Variants in MOB3B observed in about 807,000 individuals in gnomAD.
MOB3B encodes the protein MOB kinase activator 3B.
In MOB3B, 7 loss-of-function variants were observed where a neutral mutation model predicts 18.7. The ratio of observed to expected loss-of-function variants is 0.37; its 90% CI spans 0.21 to 0.70. MOB3B has a LOEUF of 0.70. Among genes scored for constraint, MOB3B ranks in the 30% least tolerant of loss-of-function variants. MOB3B has a pLI of 0.52. For missense variants in MOB3B, 253 were observed against 281.3 expected (o/e 0.90, Z 0.72); for synonymous variants, 111 against 99.9 (o/e 1.11, Z -0.66).
At chr9:27,505,704 A>G (rs1007107595) in intron 1 of MOB3B, among the ~76,000 whole-genome samples, 1 of 152,202 alleles carries the variant, frequency 6.6e-6, no homozygotes. Context: ...CCAGAATTAT[A>G]TTAATTCTCC....
chr9:27,385,993 C>A (rs998841735), intron 2 of MOB3B, among the ~76,000 whole-genome samples: 3 of 152,334 alleles, frequency 2.0e-5, no homozygotes, highest in East Asian at 3.9e-4. Flanking sequence ...AGATCTGCAA[C>A]CTGCTGAGCA....
chr9:27,392,629 AAGACG>A (rs1156583383), intron 2 of MOB3B, among the ~76,000 whole-genome samples: 6 of 152,204 alleles, frequency 3.9e-5, no homozygotes, highest in Admixed American at 3.3e-4. Context: ...TGTAGGAATA[AAGACG>A]AGCCATTTGA....
chr9:27,373,831 T>C (rs1821454473), intron 2 of MOB3B, among the ~76,000 whole-genome samples: 1 of 152,226 alleles, frequency 6.6e-6, no homozygotes, highest in African/African-American at 2.4e-5. Flanking sequence ...GAAAAAATAC[T>C]GTTAAATTGA....
chr9:27,394,169 C>A (rs945703665), intron 2 of MOB3B: 3 of 152,248 alleles, frequency 2.0e-5, no homozygotes, highest in Non-Finnish European at 2.9e-5. Context: ...AATGACCTCC[C>A]TTCTTCAAGA....
intron 3 of MOB3B, among the ~76,000 whole-genome samples, chr9:27,338,975 T>G (rs1335677281): frequency 2.0e-5 from 3 of 151,988 alleles, no homozygotes; most frequent in African/African-American, 7.2e-5. Flanking sequence ...TGAGGGTGAG[T>G]CCAGGGCTGC....
intron 2 of MOB3B, among the ~76,000 whole-genome samples, chr9:27,385,103 A>G (rs1023219779): frequency 4.6e-5 from 7 of 152,174 alleles, no homozygotes; most frequent in African/African-American, 1.7e-4. Context: ...CAGGGCAGGA[A>G]GCAGGAAGGC....
chr9:27,356,047 C>T (rs569253347), intron 3 of MOB3B, among the ~76,000 whole-genome samples: 14 of 152,132 alleles, frequency 9.2e-5, no homozygotes, highest in Non-Finnish European at 1.8e-4. Context: ...TTAATGGACA[C>T]TGCATGTGCT....
At chr9:27,433,656 G>A (rs927273107) in intron 2 of MOB3B, among the ~76,000 whole-genome samples, 16 of 152,154 alleles carry the variant, frequency 1.1e-4, no homozygotes. Context: ...AGCAGCGAAG[G>A]GAGGTTGCAC....
intron 2 of MOB3B, among the ~76,000 whole-genome samples, chr9:27,444,237 A>G: frequency 1.0e-5 from 1 of 99,530 alleles, no homozygotes. Context: ...GGAGGGAGGG[A>G]GGGAAGGAAG....
chr9:27,482,727 G>A (rs186868231), intron 1 of MOB3B, among the ~76,000 whole-genome samples: 4 of 152,304 alleles, frequency 2.6e-5, no homozygotes, highest in Admixed American at 2.0e-4. Context: ...TCTAAAAGTT[G>A]CTTGAGGTTC....
chr9:27,517,178 T>C (rs1024642638), intron 1 of MOB3B, among the ~76,000 whole-genome samples: 2 of 152,172 alleles, frequency 1.3e-5, no homozygotes, highest in Admixed American at 1.3e-4. Flanking sequence ...ACTCTTGCCT[T>C]TTAAGATTAA....
chr9:27,426,900 G>A (rs1822342878), intron 2 of MOB3B, among the ~76,000 whole-genome samples: 2 of 152,200 alleles, frequency 1.3e-5, no homozygotes. Context: ...GAGAGATGGA[G>A]GGTAATGGAA....
chr9:27,368,079 T>A (rs1334978491), intron 2 of MOB3B, among the ~76,000 whole-genome samples: 1 of 151,906 alleles, frequency 6.6e-6, no homozygotes, highest in Admixed American at 6.6e-5. Flanking sequence ...AAAAACAACA[T>A]CCCACACACG....
At chr9:27,458,592 C>G (rs373562888) in intron 1 of MOB3B, among the ~76,000 whole-genome samples, 92 of 135,554 alleles carry the variant, frequency 6.8e-4, no homozygotes, top group South Asian at 5.4e-3. Context: ...ATGATCATGC[C>G]ACTGCTGGAG....
chr9:27,459,339 A>G (rs1003356194), intron 1 of MOB3B, among the ~76,000 whole-genome samples: 2 of 152,220 alleles, frequency 1.3e-5, no homozygotes, highest in African/African-American at 4.8e-5. Context: ...ACAGTCTCCC[A>G]GGTGGTACTG....
At chr9:27,502,532 C>G (rs556484174) in intron 1 of MOB3B, among the ~76,000 whole-genome samples, 1 of 152,196 alleles carries the variant, frequency 6.6e-6, no homozygotes, top group Non-Finnish European at 1.5e-5. Flanking sequence ...CACCCATCAG[C>G]CAACTGAGGA....
At chr9:27,391,320 G>A (rs567388227) in intron 2 of MOB3B, among the ~76,000 whole-genome samples, 1 of 152,260 alleles carries the variant, frequency 6.6e-6, no homozygotes, top group Non-Finnish European at 1.5e-5. Flanking sequence ...ATCTGATCTT[G>A]GTGAAGTTTA....
At chr9:27,362,951 C>A (rs1278808616) in intron 2 of MOB3B, among the ~76,000 whole-genome samples, 1 of 152,180 alleles carries the variant, frequency 6.6e-6, no homozygotes, top group Non-Finnish European at 1.5e-5. Context: ...GATGGCGAGA[C>A]CTCGGATGTC....
At chr9:27,523,464 CA>C (rs55637136) in intron 1 of MOB3B, among the ~76,000 whole-genome samples, 95,688 of 141,724 alleles carry the variant, frequency 0.68, 32,274 homozygotes, top group Non-Finnish European at 0.73. Flanking sequence ...TAAACTGCAC[CA>C]AAAAAAAAAA....
Sources: gnomAD v4.1 joint callset for allele counts (sites outside exome capture counted in the v4.1 genomes callset) on GRCh38, gnomAD v4.1.1 for gene constraint, MANE v1.5 for transcripts, NCBI Gene and HGNC (gene_info 2026-07-23, HGNC 2026-07-21) for gene names.